The following SEC23B variants were observed in gnomAD, a reference collection of about 807,000 sequenced individuals.
SEC23B encodes the protein protein transport protein Sec23B.
A neutral mutation model predicts 104.3 loss-of-function variants in SEC23B; 77 were observed. The observed-to-expected ratio is 0.74, with a 90% CI of 0.61 to 0.89. The LOEUF (loss-of-function observed/expected upper bound fraction) is 0.89, where lower values mean the gene tolerates loss of function less well. Ranked by LOEUF, SEC23B falls within the 40% of genes least tolerant of loss-of-function variation. The pLI is 0.00. For missense variants in SEC23B, 885 were observed against 949.4 expected, an observed-to-expected ratio of 0.93 and a Z score of 0.89; for synonymous variants, 338 against 332.5, an observed-to-expected ratio of 1.02 and a Z score of -0.18.
rs921580564 is a variant in SEC23B, at chr20:18,543,076, T to C, written c.1569T>C (p.Ala523=). Residue 523 remains alanine (A), a synonymous_variant, in exon 14 of 20, where the codon GCT becomes GCC. Transcript: ENST00000650089. ...TAGAAGCAGCATTTGACCAGGAGGCTGCGGCAGTGTTGATGGCACGGCTTG... is the reference window on the plus strand; with the variant it reads ...TAGAAGCAGCATTTGACCAGGAGGCCGCGGCAGTGTTGATGGCACGGCTTG... The part of the protein sequence containing the change: ...RHIEAAFDQE[A]AAVLMARLGV... 46 of 1,614,150 alleles carry C rather than the reference T, an allele frequency of 2.8e-5. No homozygotes were observed. The highest frequency in any genetic ancestry group is 3.6e-5 in the Non-Finnish European group (43 of 1,180,030).
At position 18,551,184 on chromosome 20, in the gene SEC23B, A is replaced by G; in HGVS notation, c.1992+9A>G. On this transcript the variant is annotated intron_variant, in intron 17 of 19. Transcript: ENST00000650089. Reference sequence around the variant, plus strand: ...TCATTTATCTTGGTGAGGTAAGATGATATTATTAATTAATTAATTTCTTTT... The same window carrying G: ...TCATTTATCTTGGTGAGGTAAGATGGTATTATTAATTAATTAATTTCTTTT... The G allele has an allele frequency of 7.1e-7, 1 of 1,401,772 alleles. No homozygotes were observed. Among genetic ancestry groups the G allele is most frequent in the Non-Finnish European group, 1.0e-6 (1 of 996,660 alleles). 86.8% of individuals were successfully genotyped at this position (1,401,772 alleles called of 1,614,324 possible). A position where few individuals can be genotyped will look rare whatever the true frequency, so the allele number is the denominator to read the frequency against.
chr20:18,552,590 G>A lies in SEC23B; in HGVS notation c.1992+1415G>A, dbSNP rs193283544. ...GCACGTTGGGAGGCCGAGGTGGGCG[G>A]ATCATCTGAGGTCAGGAGTTCAAGA... is the stretch of plus-strand genomic sequence containing the variant. On this transcript the variant is annotated intron_variant, in intron 17 of 19. Coordinates refer to ENST00000650089, the MANE Select transcript of SEC23B (RefSeq NM_006363.6). Among the ~76,000 whole-genome samples the A allele has an allele frequency of 3.9e-3, 601 of 152,308 alleles. 12 individuals are homozygous for A. Among genetic ancestry groups the A allele is most frequent in the East Asian group, 0.015 (76 of 5,188 alleles).
In SEC23B at chr20:18,545,943, T is replaced by A; in HGVS notation, c.1666-13T>A. The A allele has an allele frequency of 6.7e-7, 1 of 1,484,210 alleles. No homozygotes were observed. 91.9% of individuals were successfully genotyped at this position (1,484,210 alleles called of 1,614,324 possible). On this transcript the variant is annotated splice_polypyrimidine_tract_variant and intron_variant, in intron 14 of 19. Coordinates refer to ENST00000650089, the MANE Select transcript of SEC23B (RefSeq NM_006363.6). The stretch of plus-strand genomic sequence containing the variant: ...TGTGTGTTTGTTTGTTTTTTGGTAT[T>A]TTCTTTCCATAGTGTCAAAAGTTTG...
intron 8 of SEC23B, among the ~76,000 whole-genome samples, chr20:18,527,077 C>T (rs1227043432): frequency 6.6e-6 from 1 of 152,190 alleles, no homozygotes; most frequent in Non-Finnish European, 1.5e-5. Context: ...ATTAGCTGGG[C>T]ATGGTGGCAT....
At position 18,555,310 on chromosome 20, in the gene SEC23B, C is replaced by T. The variant is rs900507605; in HGVS notation, c.2214+137C>T. 94 of 735,808 alleles carry T rather than the reference C, an allele frequency of 1.3e-4. 1 individual carries two copies. In the East Asian group the frequency reaches 2.5e-3, roughly 19 times the overall value. 45.6% of individuals were successfully genotyped at this position (735,808 alleles called of 1,614,324 possible). The stretch of plus-strand genomic sequence containing the variant: ...AGTTGGGTATTTTGCTGGGGAGTGG[C>T]GGGGAGGGAAACAAGTTGAATAACA... On this transcript the variant is annotated intron_variant, in intron 19 of 19. Transcript: ENST00000650089.
intron 2 of SEC23B, among the ~76,000 whole-genome samples, 193 bp from the exon 3 acceptor site, chr20:18,512,032 G>A (rs1265476544): frequency 6.6e-6 from 1 of 152,212 alleles, no homozygotes. Flanking sequence ...GATGGAAATT[G>A]TGGTGTACTT....
In SEC23B at chr20:18,525,762, TTGATGTGTCTGTTAAA is replaced by T. The variant is rs1282987484; in HGVS notation, c.690-25_690-10del. On this transcript the variant is annotated splice_polypyrimidine_tract_variant and intron_variant, in intron 6 of 19. Coordinates refer to ENST00000650089, the MANE Select transcript of SEC23B (RefSeq NM_006363.6). ...ACCAGAGTACTTTATTCAATCTGGG[TTGATGTGTCTGTTAAA>T]ATCTTGCAGATTTCTGCAGCCTGTT... 2 of 1,613,820 alleles carry T rather than the reference TTGATGTGTCTGTTAAA, an allele frequency of 1.2e-6. No individual in the cohort carries two copies. Among genetic ancestry groups the T allele is most frequent in the African/African-American group, 2.7e-5 (2 of 74,914 alleles).
chr20:18,533,032 G>C (rs1186010428), intron 11 of SEC23B, among the ~76,000 whole-genome samples: 1 of 152,210 alleles, frequency 6.6e-6, no homozygotes, highest in South Asian at 2.1e-4. Flanking sequence ...CACCACCCAT[G>C]GTCGTTGTGC....
At chr20:18,541,376 C>A (rs1412517286) in intron 12 of SEC23B, among the ~76,000 whole-genome samples, 30 of 152,248 alleles carry the variant, frequency 2.0e-4, no homozygotes, top group Admixed American at 1.9e-3. Flanking sequence ...TCTTTGCATT[C>A]ACAGCTTGGC....
intron 16 of SEC23B, among the ~76,000 whole-genome samples, chr20:18,550,236 C>T (rs1427224479): frequency 6.6e-6 from 1 of 151,794 alleles, no homozygotes; most frequent in Non-Finnish European, 1.5e-5. Flanking sequence ...CTCACTGCAA[C>T]CTCCGCCTTC....
At chr20:18,538,025 C>A (rs1227306608) in intron 12 of SEC23B, among the ~76,000 whole-genome samples, 1 of 151,918 alleles carries the variant, frequency 6.6e-6, no homozygotes, top group Non-Finnish European at 1.5e-5. Context: ...CTCACTGCAA[C>A]CTCCACCTCA....
chr20:18,535,806 C>A, intron 12 of SEC23B, 64 bp downstream of exon 12: 1 of 1,269,036 alleles, frequency 7.9e-7, no homozygotes, highest in South Asian at 1.2e-5. Context: ...TATCTCAAAC[C>A]AGTGGTCTCT....
intron 17 of SEC23B, 89 bp from the exon 18 acceptor site, chr20:18,554,146 G>A: frequency 6.9e-7 from 1 of 1,446,140 alleles, no homozygotes; most frequent in Admixed American, 1.8e-5. Flanking sequence ...CTAGAAACAA[G>A]CTCTGGGTGG....
chr20:18,545,810 G>A (rs2060326441), intron 14 of SEC23B, 146 bp from the exon 15 acceptor site: 1 of 685,372 alleles, frequency 1.5e-6, no homozygotes, highest in Admixed American at 2.1e-5. Flanking sequence ...TGATGCTTGA[G>A]AAGTGCTAGT....
chr20:18,526,892 C>T (rs1186729005), intron 8 of SEC23B, among the ~76,000 whole-genome samples: 1 of 152,080 alleles, frequency 6.6e-6, no homozygotes, highest in Admixed American at 6.5e-5. Context: ...CCAGCCTAGC[C>T]AACGTGGTGA....
At chr20:18,546,192 C>T (rs534914587) in intron 15 of SEC23B, among the ~76,000 whole-genome samples, 159 bp downstream of exon 15, 1 of 152,284 alleles carries the variant, frequency 6.6e-6, no homozygotes, top group Admixed American at 6.5e-5. Flanking sequence ...CTAGGCAAGA[C>T]AGCACCCTAC....
chr20:18,515,375 A>G (rs969900735), intron 3 of SEC23B, among the ~76,000 whole-genome samples: 8 of 152,078 alleles, frequency 5.3e-5, no homozygotes, highest in African/African-American at 1.9e-4. Context: ...CAGTGGCGCA[A>G]TCATGGCTCA....
At position 18,509,283 on chromosome 20, in the gene SEC23B, T is replaced by G. The variant is rs192772319; in HGVS notation, c.-15+1311T>G. ...TTCTGGGCTTTATGTAGTAGAGTAATTCATTTGCTTTTCTAGCCATGCAAT... is the reference window on the plus strand; with the variant it reads ...TTCTGGGCTTTATGTAGTAGAGTAAGTCATTTGCTTTTCTAGCCATGCAAT... On this transcript the variant is annotated intron_variant, in intron 1 of 19. Coordinates refer to ENST00000650089, the MANE Select transcript of SEC23B (RefSeq NM_006363.6). Among the ~76,000 whole-genome samples, 23 of 152,304 alleles carry G rather than the reference T, an allele frequency of 1.5e-4. 2 individuals are homozygous for G. Among genetic ancestry groups the G allele is most frequent in the African/African-American group, 5.3e-4 (22 of 41,564 alleles).
At chr20:18,516,248 C>CTTTT (rs71194246) in intron 4 of SEC23B, among the ~76,000 whole-genome samples, 18 of 139,046 alleles carry the variant, frequency 1.3e-4, no homozygotes, top group African/African-American at 3.2e-4. Flanking sequence ...CACAGTAATT[C>CTTTT]TTTTTTTTTT....
Sources: allele counts gnomAD v4.1 joint callset (sites outside exome capture counted in the v4.1 genomes callset), GRCh38; gene constraint gnomAD v4.1.1; transcripts MANE v1.5; gene names NCBI Gene and HGNC (gene_info 2026-07-23, HGNC 2026-07-21).